The following LPGAT1 variants were observed in gnomAD, a reference collection of about 807,000 sequenced individuals.
LPGAT1 encodes acyl-CoA:lysophosphatidylglycerol acyltransferase 1.
Under a neutral mutation model 47.5 loss-of-function variants are expected in LPGAT1, and 11 were observed. The ratio of observed to expected loss-of-function variants is 0.23; its 90% CI spans 0.15 to 0.38. The LOEUF is 0.38. LPGAT1 is among the 10% of genes least tolerant of loss of function. The probability of loss-of-function intolerance (pLI) is 1.00; values close to 1 mark genes in which losing one functional copy is unlikely to be tolerated. For missense variants in LPGAT1, 293 were observed against 439.0 expected (o/e 0.67, Z 2.97); for synonymous variants, 138 against 144.2 (o/e 0.96, Z 0.31).
Position 211,772,842 on chromosome 1 carries a change from C to T in LPGAT1, c.854+6076G>A, listed in dbSNP as rs148449974. Among the ~76,000 whole-genome samples, 45 of 152,250 alleles carry T rather than the reference C, an allele frequency of 3.0e-4. 1 individual carries two copies. Among genetic ancestry groups the T allele is most frequent in the African/African-American group, 9.9e-4 (41 of 41,556 alleles). ...TCACAGCCCCTAAAATGTATAAAAACTCATGACTGTTTTGTTGTCTTAGGG... is the reference window on the plus strand; with the variant it reads ...TCACAGCCCCTAAAATGTATAAAAATTCATGACTGTTTTGTTGTCTTAGGG... On this transcript the variant is annotated intron_variant, in intron 6 of 7. Coordinates refer to ENST00000366997, the MANE Select transcript of LPGAT1 (RefSeq NM_014873.3).
intron 2 of LPGAT1, among the ~76,000 whole-genome samples, chr1:211,808,273 C>A (rs1659836718): frequency 6.7e-6 from 1 of 148,320 alleles, no homozygotes; most frequent in African/African-American, 2.5e-5. Context: ...TGAACCCGGG[C>A]AGGGTTGTGG....
At chr1:211,773,944 C>T (rs1387935419) in intron 6 of LPGAT1, among the ~76,000 whole-genome samples, 3 of 151,930 alleles carry the variant, frequency 2.0e-5, no homozygotes, top group South Asian at 2.1e-4. Flanking sequence ...CCTAGTTAAA[C>T]AATAAATAAT....
chr1:211,783,333 G>A lies in LPGAT1; in HGVS notation c.623C>T (p.Thr208Ile), dbSNP rs777056105. ...CCCAGACCTTGGCAGAGTAACATTTGTAAGAAATGGCAAGTTATTTTTCTT... is the reference window on the plus strand; with the variant it reads ...CCCAGACCTTGGCAGAGTAACATTTATAAGAAATGGCAAGTTATTTTTCTT... Reference protein sequence around the residue: ...FAKKNNLPFLTNVTLPRSGAT... With the variant: ...FAKKNNLPFLINVTLPRSGAT... The change falls in exon 5 of 8, where the codon ACA becomes ATA. Residue 208 changes from threonine to isoleucine, a missense_variant. By Grantham distance (89) the Thr-to-Ile change is moderately conservative (BLOSUM62 -1). Transcript: ENST00000366997. 6.2e-6 allele frequency: 10 copies of A among 1,614,018 alleles called. No individual in the cohort carries two copies. Among genetic ancestry groups the A allele is most frequent in the Non-Finnish European group, 8.5e-6 (10 of 1,180,032 alleles).
chr1:211,800,041 A>G (rs1196841059), intron 2 of LPGAT1, among the ~76,000 whole-genome samples: 1 of 151,568 alleles, frequency 6.6e-6, no homozygotes, highest in Non-Finnish European at 1.5e-5. Context: ...ATTCTTTATT[A>G]TTATTATTAT....
rs1315569417 is a variant in LPGAT1 at position 211,747,427 on chromosome 1, C to T, written c.*2472G>A. The T allele has an allele frequency of 3.3e-5, 5 of 152,190 alleles. No individual in the cohort carries two copies. The highest frequency in any genetic ancestry group is 1.2e-4 in the African/African-American group (5 of 41,436). 9.4% of individuals were successfully genotyped at this position (152,190 alleles called of 1,614,324 possible). A position where few individuals can be genotyped will look rare whatever the true frequency, so the allele number is the denominator to read the frequency against. Reference sequence around the variant, plus strand: ...TGGAGACTGTGAAAATGACACCGTACTTGAAAAGTAAAGCATCTTATAGAA... The same window carrying T: ...TGGAGACTGTGAAAATGACACCGTATTTGAAAAGTAAAGCATCTTATAGAA... On this transcript the variant is annotated 3_prime_UTR_variant, in exon 8 of 8. Coordinates refer to ENST00000366997, the MANE Select transcript of LPGAT1 (RefSeq NM_014873.3).
Position 211,750,699 on chromosome 1 carries a change from G to A in LPGAT1, c.961+262C>T, listed in dbSNP as rs551754190. ...AAAGTAAACAGATGTCTTTAAATTCGTTTCTGGAAAGGAATGCTAGATAAC... is the reference window on the plus strand; with the variant it reads ...AAAGTAAACAGATGTCTTTAAATTCATTTCTGGAAAGGAATGCTAGATAAC... On this transcript the variant is annotated intron_variant, in intron 7 of 7. Coordinates refer to ENST00000366997, the MANE Select transcript of LPGAT1 (RefSeq NM_014873.3). Among the ~76,000 whole-genome samples, 79 of 152,250 alleles carry A rather than the reference G, an allele frequency of 5.2e-4. 1 individual carries two copies. The highest frequency in any genetic ancestry group is 1.7e-3 in the African/African-American group (71 of 41,564).
At chr1:211,794,377 C>CT (rs1479314422) in intron 2 of LPGAT1, among the ~76,000 whole-genome samples, 5 of 152,224 alleles carry the variant, frequency 3.3e-5, no homozygotes, top group Non-Finnish European at 7.3e-5. Context: ...CAATGGCTCA[C>CT]TGCAGCTTCA....
chr1:211,826,210 C>T (rs1660540298), intron 2 of LPGAT1, among the ~76,000 whole-genome samples: 1 of 152,078 alleles, frequency 6.6e-6, no homozygotes, highest in Non-Finnish European at 1.5e-5. Flanking sequence ...ATCCAAGAAG[C>T]ATGTATGAAT....
chr1:211,818,300 GT>G (rs1660251373), intron 2 of LPGAT1, among the ~76,000 whole-genome samples: 1 of 152,130 alleles, frequency 6.6e-6, no homozygotes, highest in African/African-American at 2.4e-5. Context: ...AATAAGTAAA[GT>G]AGGCCCAAAA....
At chr1:211,780,393 G>A (rs770473760) in intron 5 of LPGAT1, among the ~76,000 whole-genome samples, 7 of 152,104 alleles carry the variant, frequency 4.6e-5, no homozygotes, top group African/African-American at 7.2e-5. Flanking sequence ...AAAGGTGAGC[G>A]AGAACTGAGA....
At chr1:211,825,444 A>G (rs1660517090) in intron 2 of LPGAT1, among the ~76,000 whole-genome samples, 1 of 152,156 alleles carries the variant, frequency 6.6e-6, no homozygotes, top group South Asian at 2.1e-4. Context: ...AATAAATAGA[A>G]TACATTTTGT....
At chr1:211,771,581 G>C (rs948322436) in intron 6 of LPGAT1, among the ~76,000 whole-genome samples, 8 of 151,970 alleles carry the variant, frequency 5.3e-5, no homozygotes, top group African/African-American at 1.9e-4. Context: ...TCAGCTCACT[G>C]CATCCTCCGC....
chr1:211,798,668 T>C (rs1659446809), intron 2 of LPGAT1, among the ~76,000 whole-genome samples: 1 of 152,092 alleles, frequency 6.6e-6, no homozygotes, highest in Non-Finnish European at 1.5e-5. Flanking sequence ...GGTTGACATA[T>C]ATAGACACTC....
intron 6 of LPGAT1, among the ~76,000 whole-genome samples, chr1:211,768,676 G>A (rs781541046): frequency 3.9e-5 from 6 of 152,174 alleles, no homozygotes; most frequent in Admixed American, 1.3e-4. Flanking sequence ...GGTATCTATG[G>A]TGTGACATTA....
At chr1:211,784,401 G>C (rs1000905953) in intron 4 of LPGAT1, among the ~76,000 whole-genome samples, 3 of 151,640 alleles carry the variant, frequency 2.0e-5, no homozygotes, top group Admixed American at 1.3e-4. Flanking sequence ...TGAGGCAGGA[G>C]GATCACTTGT....
Position 211,749,738 on chromosome 1 carries a change from G to A in LPGAT1, c.*161C>T, listed in dbSNP as rs574166351. 451 of 713,760 alleles carry A rather than the reference G, an allele frequency of 6.3e-4. 1 individual carries two copies. The highest frequency in any genetic ancestry group is 1.0e-3 in the South Asian group (55 of 54,326). 44.2% of individuals were successfully genotyped at this position (713,760 alleles called of 1,614,324 possible). On this transcript the variant is annotated 3_prime_UTR_variant, in exon 8 of 8. Transcript: ENST00000366997. ...CATTATATTACTAATCCTCATTTTA[G>A]TAGATTTTAAAATATCCCAAAGGGG...
Position 211,826,971 on chromosome 1 carries a change from T to G in LPGAT1, c.238+2088A>C, listed in dbSNP as rs567410588. Among the ~76,000 whole-genome samples the G allele has an allele frequency of 5.9e-5, 9 of 152,284 alleles. No homozygotes were observed. The South Asian group carries it at 1.9e-3, about 32-fold the overall frequency. On this transcript the variant is annotated intron_variant, in intron 2 of 7. Transcript: ENST00000366997. ...GGCTAATATAACACCTGACATTATT[T>G]TATGGGTACACCTGTTCATCAACCT...
At chr1:211,828,793 A>G (rs1002742203) in intron 2 of LPGAT1, among the ~76,000 whole-genome samples, 2 of 152,210 alleles carry the variant, frequency 1.3e-5, no homozygotes, top group Non-Finnish European at 2.9e-5. Flanking sequence ...CCTCTACCAG[A>G]GCTTTTGCAG....
chr1:211,808,337 C>A (rs116800456), intron 2 of LPGAT1, among the ~76,000 whole-genome samples: 1 of 126,176 alleles, frequency 7.9e-6, no homozygotes, highest in Admixed American at 9.4e-5. Context: ...GCAACAAGGG[C>A]GAAACTCCGT....
Sources: allele counts gnomAD v4.1 joint callset (sites outside exome capture counted in the v4.1 genomes callset), GRCh38; gene constraint gnomAD v4.1.1; transcripts MANE v1.5; gene names NCBI Gene and HGNC (gene_info 2026-07-23, HGNC 2026-07-21).